Variants in PLS3 observed in about 807,000 individuals in gnomAD.
The protein encoded by PLS3 is plastin-3.
Under a neutral mutation model 46.5 loss-of-function variants are expected in PLS3, and 11 were observed. The observed-to-expected ratio is 0.24, with a 90% confidence interval of 0.15 to 0.39. The LOEUF (loss-of-function observed/expected upper bound fraction) is 0.39. Ranked by LOEUF, PLS3 falls within the 10% of genes least tolerant of loss-of-function variation. The probability of loss-of-function intolerance (pLI) is 1.00; values close to 1 mark genes in which losing one functional copy is unlikely to be tolerated. For missense variants in PLS3, 308 were observed against 461.8 expected (o/e 0.67, Z 3.05); for synonymous variants, 167 against 162.2 (o/e 1.03, Z -0.22).
chrX:115,600,357 C>T (rs1556634401), intron 1 of PLS3, among the ~76,000 whole-genome samples: 1 of 109,073 alleles, frequency 9.2e-6, no homozygotes, highest in Non-Finnish European at 1.9e-5. Context: ...AAACTCCTGG[C>T]CTCAAGCAGT....
At chrX:115,634,143 C>T in intron 6 of PLS3, 62 bp downstream of exon 6, 1 of 634,318 alleles carries the variant, frequency 1.6e-6, no homozygotes. Flanking sequence ...GTTCTGCAGA[C>T]TTCAGCCTCT....
Position 115,636,826 on chromosome X carries a change from T to C in PLS3, c.749-10T>C, listed in dbSNP as rs371951163. 2 of 1,179,283 alleles carry C rather than the reference T, an allele frequency of 1.7e-6. No homozygotes were observed. The highest frequency in any genetic ancestry group is 3.0e-5 in the East Asian group (1 of 33,650). ...ATAATAACTGTGGGATTTTTTTTTT[T>C]TTCTTCTAGCCTTGGCTGCTTTACT... On this transcript the variant is annotated splice_polypyrimidine_tract_variant and intron_variant, in intron 7 of 15. Transcript: ENST00000355899.
At chrX:115,582,426 G>A (rs7881840) in intron 1 of PLS3, among the ~76,000 whole-genome samples, 3,455 of 112,267 alleles carry the variant, frequency 0.031, 140 homozygotes, top group African/African-American at 0.11. Flanking sequence ...AATCCAGTCT[G>A]TAGTAGTCTG....
chrX:115,643,692 C>G (rs782377110), intron 10 of PLS3, among the ~76,000 whole-genome samples, 184 bp downstream of exon 10: 1 of 111,798 alleles, frequency 8.9e-6, no homozygotes, highest in Non-Finnish European at 1.9e-5. Context: ...TAGTCGAGGC[C>G]GGGCACGGTG....
intron 1 of PLS3, among the ~76,000 whole-genome samples, chrX:115,563,912 A>G (rs1446107532): frequency 1.8e-5 from 2 of 112,054 alleles, no homozygotes; most frequent in African/African-American, 3.2e-5. Context: ...TAAATGTTTA[A>G]CCTCAAAAAA....
At chrX:115,591,813 C>A (rs1556633162) in intron 1 of PLS3, among the ~76,000 whole-genome samples, 2 of 112,541 alleles carry the variant, frequency 1.8e-5, no homozygotes, top group East Asian at 2.8e-4. Context: ...GAATTTGGTA[C>A]TCAGAAAAGT....
At chrX:115,602,286 G>A (rs2074452541) in intron 1 of PLS3, among the ~76,000 whole-genome samples, 1 of 111,954 alleles carries the variant, frequency 8.9e-6, no homozygotes, top group Non-Finnish European at 1.9e-5. Flanking sequence ...CCAACACAGT[G>A]CCTGGTACAT....
intron 2 of PLS3, among the ~76,000 whole-genome samples, chrX:115,615,074 T>C (rs2074584289): frequency 9.0e-6 from 1 of 110,849 alleles, no homozygotes. Flanking sequence ...AACCCGAGCG[T>C]CAAAGAAAAT....
chrX:115,574,361 T>G (rs1415062153), intron 1 of PLS3, among the ~76,000 whole-genome samples: 2 of 112,103 alleles, frequency 1.8e-5, no homozygotes, highest in Non-Finnish European at 3.8e-5. Flanking sequence ...TGAATTACAT[T>G]GCATAAAATA....
intron 9 of PLS3, among the ~76,000 whole-genome samples, chrX:115,642,121 C>T (rs1307350896): frequency 1.9e-5 from 2 of 104,924 alleles, no homozygotes; most frequent in Non-Finnish European, 3.9e-5. Flanking sequence ...TCAAGCAATC[C>T]TTCTGCCTCG....
At chrX:115,570,608 G>T (rs782233747) in intron 1 of PLS3, among the ~76,000 whole-genome samples, 3 of 103,001 alleles carry the variant, frequency 2.9e-5, no homozygotes, top group Non-Finnish European at 5.9e-5. Flanking sequence ...GGGCTCAAGC[G>T]ATCTCCGTGC....
At chrX:115,639,387 G>A (rs1556640682) in intron 8 of PLS3, among the ~76,000 whole-genome samples, 1 of 111,680 alleles carries the variant, frequency 9.0e-6, no homozygotes, top group Non-Finnish European at 1.9e-5. Context: ...AACTCACCTG[G>A]GTAACTGGTT....
chrX:115,630,835 G>GTA (rs1262406015), intron 5 of PLS3, among the ~76,000 whole-genome samples: 2 of 88,817 alleles, frequency 2.3e-5, no homozygotes, highest in African/African-American at 8.7e-5. Flanking sequence ...ATGTATATAT[G>GTA]TATATATATG....
At chrX:115,606,655 G>T (rs991870032) in intron 1 of PLS3, among the ~76,000 whole-genome samples, 4 of 111,100 alleles carry the variant, frequency 3.6e-5, no homozygotes, top group Non-Finnish European at 7.5e-5. Context: ...GTTCTCCTTG[G>T]TGTGTGATTC....
At chrX:115,602,480 T>G (rs187039568) in intron 1 of PLS3, among the ~76,000 whole-genome samples, 2 of 111,207 alleles carry the variant, frequency 1.8e-5, no homozygotes, top group Admixed American at 1.9e-4. Flanking sequence ...AGACTAGTGT[T>G]GAGCTGTTCA....
rs200328774 is a variant in PLS3 at position 115,629,986 on chromosome X, T to C, written c.500+19T>C. The C allele has an allele frequency of 5.0e-4, 558 of 1,125,079 alleles. No homozygotes were observed. Among genetic ancestry groups the C allele is most frequent in the Non-Finnish European group, 6.3e-4 (526 of 839,421 alleles). 92.7% of individuals were successfully genotyped at this position (1,125,079 alleles called of 1,213,427 possible). A position where few individuals can be genotyped will look rare whatever the true frequency, so the allele number is the denominator to read the frequency against. On this transcript the variant is annotated intron_variant, in intron 5 of 15. Transcript: ENST00000355899. ...TGCTTTGGTAAGATGTTAGCTTGTT[T>C]TATATCCAGATATCCAAAAATAGCC...
intron 9 of PLS3, among the ~76,000 whole-genome samples, chrX:115,642,513 C>G (rs1167049142): frequency 9.0e-6 from 1 of 111,364 alleles, no homozygotes; most frequent in Non-Finnish European, 1.9e-5. Context: ...CTCTCTCTAG[C>G]TCGCTCTCCA....
At chrX:115,580,924 TGG>T (rs2074276141) in intron 1 of PLS3, among the ~76,000 whole-genome samples, 1 of 111,058 alleles carries the variant, frequency 9.0e-6, no homozygotes, top group African/African-American at 3.3e-5. Context: ...TGTGTGGAGA[TGG>T]GGTCCCACTA....
chrX:115,601,639 A>T (rs1055481497), intron 1 of PLS3, among the ~76,000 whole-genome samples: 14 of 110,134 alleles, frequency 1.3e-4, no homozygotes, highest in African/African-American at 3.3e-4. Flanking sequence ...TAATAAAAAA[A>T]ATATATAAAA....
Sources: allele counts gnomAD v4.1 joint callset (sites outside exome capture counted in the v4.1 genomes callset), GRCh38; gene constraint gnomAD v4.1.1; transcripts MANE v1.5; gene names NCBI Gene and HGNC (gene_info 2026-07-23, HGNC 2026-07-21).